The following PIP5K1A variants were observed in gnomAD, a reference collection of about 807,000 sequenced individuals.
PIP5K1A encodes phosphatidylinositol-4-phosphate 5-kinase type 1 alpha, also known as phosphatidylinositol 4-phosphate 5-kinase type-1 alpha.
Under a neutral mutation model 72.9 loss-of-function variants are expected in PIP5K1A, and 46 were observed. The observed-to-expected ratio is 0.63, with a 90% CI of 0.50 to 0.81. The LOEUF is 0.81. Ranked by LOEUF, PIP5K1A falls within the 30% of genes least tolerant of loss-of-function variation. PIP5K1A has a pLI of 0.00. For synonymous variants in PIP5K1A, 228 were observed against 255.1 expected (o/e 0.89, Z 1.01); for missense variants, 458 against 706.1 (o/e 0.65, Z 3.98).
In PIP5K1A at chr1:151,239,848, T is replaced by C. The variant is rs1463637480; in HGVS notation, c.1279-107T>C. The stretch of plus-strand genomic sequence containing the variant: ...TGGCCCCTTCCGTTTATTTCATCTG[T>C]AGGTTTTACCCTTCTGCTAGGGGCT... On this transcript the variant is annotated intron_variant, in intron 11 of 15. Transcript: ENST00000368888. 1.2e-5 allele frequency: 9 copies of C among 766,364 alleles called. No individual in the cohort carries two copies. The Admixed American group carries it at 1.5e-4, about 13-fold the overall frequency. 47.5% of individuals were successfully genotyped at this position (766,364 alleles called of 1,614,324 possible). A position where few individuals can be genotyped will look rare whatever the true frequency, so the allele number is the denominator to read the frequency against.
intron 4 of PIP5K1A, 77 bp downstream of exon 4, chr1:151,227,477 T>G (rs1689323797): frequency 1.1e-6 from 1 of 877,476 alleles, no homozygotes. Flanking sequence ...TCCTTGAAAT[T>G]ACTCTCCATG....
intron 1 of PIP5K1A, among the ~76,000 whole-genome samples, chr1:151,208,047 T>C (rs1014848595): frequency 6.6e-6 from 1 of 151,596 alleles, no homozygotes; most frequent in South Asian, 2.1e-4. Context: ...TTAGTAGAAA[T>C]GGGGTTTCTC....
intron 1 of PIP5K1A, among the ~76,000 whole-genome samples, chr1:151,202,587 T>C (rs777504028): frequency 2.0e-5 from 3 of 151,544 alleles, no homozygotes; most frequent in Non-Finnish European, 4.4e-5. Context: ...AGTTGCCTGC[T>C]CAGCCTCCCA....
intron 1 of PIP5K1A, among the ~76,000 whole-genome samples, chr1:151,203,476 T>G: frequency 7.4e-6 from 1 of 134,236 alleles, no homozygotes; most frequent in African/African-American, 2.9e-5. Context: ...TTGCAATGAG[T>G]CAAGATCACA....
At chr1:151,243,226 C>G (rs942646525) in intron 14 of PIP5K1A, among the ~76,000 whole-genome samples, 1 of 152,178 alleles carries the variant, frequency 6.6e-6, no homozygotes, top group Non-Finnish European at 1.5e-5. Context: ...ACCTCCATGT[C>G]GAAAATACAC....
chr1:151,244,470 A>G (rs769550832), intron 14 of PIP5K1A, among the ~76,000 whole-genome samples: 3 of 152,302 alleles, frequency 2.0e-5, no homozygotes, highest in African/African-American at 7.2e-5. Context: ...CCTGAGCAAC[A>G]TGGCGAAACC....
chr1:151,228,831 A>G lies in PIP5K1A; in HGVS notation c.237+1431A>G, dbSNP rs141776604. Among the ~76,000 whole-genome samples, 1,344 of 152,252 alleles carry G rather than the reference A, an allele frequency of 8.8e-3. 29 individuals carry two copies. The highest frequency in any genetic ancestry group is 0.031 in the African/African-American group (1,275 of 41,558). ...ACTCATTCTCAGTCAAGGACCTGAC[A>G]GTCCCCAGAATGGACTCTGTGGCTC... On this transcript the variant is annotated intron_variant, in intron 4 of 15. Transcript: ENST00000368888.
In PIP5K1A at chr1:151,248,370, C is replaced by T. The variant is rs1438605786; in HGVS notation, c.*505C>T. Reference sequence around the variant, plus strand: ...GTTTTTGGGGGATAAGGGTGTTTAACCACCTCCCAGCTTTCTTCTTCTTTT... The same window carrying T: ...GTTTTTGGGGGATAAGGGTGTTTAATCACCTCCCAGCTTTCTTCTTCTTTT... On this transcript the variant is annotated 3_prime_UTR_variant, in exon 16 of 16. Transcript: ENST00000368888. The T allele has an allele frequency of 2.6e-5, 4 of 153,252 alleles. No individual in the cohort carries two copies. The highest frequency in any genetic ancestry group is 4.4e-5 in the Non-Finnish European group (3 of 68,854). 9.5% of individuals were successfully genotyped at this position (153,252 alleles called of 1,614,324 possible). A position where few individuals can be genotyped will look rare whatever the true frequency, so the allele number is the denominator to read the frequency against.
chr1:151,216,900 G>GTTTTTTTTTTTTTTT (rs78155966), intron 1 of PIP5K1A, among the ~76,000 whole-genome samples: 1 of 136,674 alleles, frequency 7.3e-6, no homozygotes, highest in African/African-American at 2.7e-5. Flanking sequence ...CTTAGTAAAT[G>GTTTTTTTTTTTTTTT]TTTTTTTTTT....
intron 1 of PIP5K1A, among the ~76,000 whole-genome samples, chr1:151,215,491 G>A (rs894955967): frequency 2.0e-5 from 3 of 151,844 alleles, no homozygotes; most frequent in African/African-American, 4.8e-5. Flanking sequence ...CCACTGCGCC[G>A]GCTAATTTTT....
At chr1:151,200,710 T>G (rs909549207) in intron 1 of PIP5K1A, among the ~76,000 whole-genome samples, 3 of 152,150 alleles carry the variant, frequency 2.0e-5, no homozygotes, top group African/African-American at 7.2e-5. Flanking sequence ...ATTTTTAGTT[T>G]GTTGAGAGGG....
intron 1 of PIP5K1A, among the ~76,000 whole-genome samples, chr1:151,211,082 G>A (rs940316674): frequency 1.3e-5 from 2 of 152,198 alleles, no homozygotes; most frequent in South Asian, 4.1e-4. Context: ...CTCATCAGTA[G>A]ATGATGTCAT....
chr1:151,198,989 C>T lies in PIP5K1A; in HGVS notation c.-8C>T, dbSNP rs1684806335. 2 of 1,613,442 alleles carry T rather than the reference C, an allele frequency of 1.2e-6. No homozygotes were observed. The highest frequency in any genetic ancestry group is 1.7e-6 in the Non-Finnish European group (2 of 1,179,484). On this transcript the variant is annotated 5_prime_UTR_variant, in exon 1 of 16. Coordinates refer to ENST00000368888, the MANE Select transcript of PIP5K1A (RefSeq NM_001135638.2). Reference sequence around the variant, plus strand: ...AGCCAGGCCGCTGAGGGGGAGGGGGCTGCTAAGATGGCGTCGGCCTCCTCC... The same window carrying T: ...AGCCAGGCCGCTGAGGGGGAGGGGGTTGCTAAGATGGCGTCGGCCTCCTCC...
At chr1:151,215,793 C>T (rs771107281) in intron 1 of PIP5K1A, among the ~76,000 whole-genome samples, 10 of 152,072 alleles carry the variant, frequency 6.6e-5, no homozygotes, top group Non-Finnish European at 1.2e-4. Context: ...TGAACATTTA[C>T]CTAGAATTAC....
intron 1 of PIP5K1A, 105 bp downstream of exon 1, chr1:151,199,186 C>T (rs1355143293): frequency 1.6e-5 from 25 of 1,578,340 alleles, no homozygotes; most frequent in South Asian, 4.5e-5. Context: ...TACGTGTTAC[C>T]GGTAAGTGGG....
In PIP5K1A at chr1:151,239,959, C is replaced by G. The variant is rs777191309; in HGVS notation, c.1283C>G (p.Thr428Ser). ...SWKALVHDGD[T>S]VSVHRPGFYA... ...AGCATTTCTTCTGCTCTGCAGGACA[C>G]TGTCTCAGTGCATCGCCCAGGCTTC... Residue 428 changes from threonine (T) to serine (S), a missense_variant, in exon 12 of 16, where the codon ACT becomes AGT. Thr to Ser is a moderately conservative substitution (Grantham distance 58). This residue lies in a region of PIP5K1A where 157 missense variants were observed against 175.5 expected (regional missense o/e 0.89). Coordinates refer to ENST00000368888, the MANE Select transcript of PIP5K1A (RefSeq NM_001135638.2). 6.2e-7 allele frequency: 1 copy of G among 1,611,408 alleles called. No individual in the cohort carries two copies. The highest frequency in any genetic ancestry group is 8.5e-7 in the Non-Finnish European group (1 of 1,177,742).
In PIP5K1A at chr1:151,227,387, C is replaced by T; in HGVS notation, c.224C>T (p.Thr75Ile). The T allele has an allele frequency of 1.2e-6, 2 of 1,610,806 alleles. No individual in the cohort carries two copies. The highest frequency in any genetic ancestry group is 1.7e-6 in the Non-Finnish European group (2 of 1,177,170). Reference protein sequence around the residue: ...GHRSVDSSGETTYKKTTSSAL... With the variant: ...GHRSVDSSGEITYKKTTSSAL... ...AGAAGTGTTGATTCCTCAGGAGAGA[C>T]AACATATAAAAAGGTGTGTCTGGAT... Residue 75 changes from threonine to isoleucine, a missense_variant, in exon 4 of 16, where the codon ACA becomes ATA. By Grantham distance (89) the Thr-to-Ile change is moderately conservative. Coordinates refer to ENST00000368888, the MANE Select transcript of PIP5K1A (RefSeq NM_001135638.2).
At chr1:151,226,051 T>C (rs951467983) in intron 3 of PIP5K1A, among the ~76,000 whole-genome samples, 1 of 151,136 alleles carries the variant, frequency 6.6e-6, no homozygotes, top group Non-Finnish European at 1.5e-5. Flanking sequence ...GTAGCTGAGA[T>C]TACAGGTGCA....
chr1:151,245,936 G>C (rs1692437284), intron 14 of PIP5K1A, among the ~76,000 whole-genome samples: 1 of 152,098 alleles, frequency 6.6e-6, no homozygotes. Context: ...CCCAAACTTA[G>C]CTGTTGAAAA....
Sources: gnomAD v4.1 joint callset for allele counts (sites outside exome capture counted in the v4.1 genomes callset) on GRCh38, gnomAD v4.1.1 for gene constraint, gnomAD v4.1.1 regional missense constraint, MANE v1.5 for transcripts, NCBI Gene and HGNC (gene_info 2026-07-23, HGNC 2026-07-21) for gene names.